ZNF676: variants seen among roughly 807,000 people sequenced by gnomAD.
ZNF676 encodes the protein zinc finger protein 676.
A neutral mutation model predicts 6.0 loss-of-function variants in ZNF676; 4 were observed. The ratio of observed to expected loss-of-function variants is 0.67; its 90% confidence interval spans 0.33 to 1.53. The LOEUF (loss-of-function observed/expected upper bound fraction) is 1.53. Among genes scored for constraint, ZNF676 ranks in the 40% most tolerant of loss-of-function variants. The pLI, the probability that ZNF676 is intolerant of heterozygous loss-of-function variation, is 0.06. For missense variants in ZNF676, 644 were observed against 679.7 expected (o/e 0.95, Z 0.58); for synonymous variants, 198 against 223.1 (o/e 0.89, Z 1.00).
chr19:22,253,265 C>T, the ZNF676 span, among the ~76,000 whole-genome samples: 1 of 151,236 alleles, frequency 6.6e-6, no homozygotes, highest in South Asian at 2.1e-4. Context: ...CAGCTGGGTA[C>T]ATATATGAGT....
At chr19:22,217,925 A>T (rs2024210405), upstream of ZNF676, among the ~76,000 whole-genome samples, 2 of 151,474 alleles carry the variant, frequency 1.3e-5, no homozygotes, top group South Asian at 4.2e-4. Context: ...GCTAGTCTGG[A>T]ACTCCTGACC....
the ZNF676 span, among the ~76,000 whole-genome samples, chr19:22,231,880 G>A: frequency 3.9e-5 from 6 of 152,112 alleles, no homozygotes; most frequent in African/African-American, 1.4e-4. Context: ...GATTACAAGC[G>A]TGAGCCACCG....
chr19:22,216,658 G>T (rs180741934), upstream of ZNF676, among the ~76,000 whole-genome samples: 2 of 148,670 alleles, frequency 1.3e-5, no homozygotes, highest in African/African-American at 2.5e-5. Context: ...TTTTTGAGAC[G>T]AGTCTTGCCA....
the ZNF676 span, among the ~76,000 whole-genome samples, chr19:22,232,827 G>T: frequency 6.6e-6 from 1 of 152,012 alleles, no homozygotes; most frequent in East Asian, 1.9e-4. Flanking sequence ...CCTGTTCAAA[G>T]GTTGAGATAA....
the ZNF676 span, among the ~76,000 whole-genome samples, chr19:22,230,177 G>A: frequency 6.6e-6 from 1 of 152,150 alleles, no homozygotes; most frequent in Admixed American, 6.5e-5. Context: ...CATAAACAAG[G>A]ATGAGTTCAT....
At chr19:22,248,565 G>A in the ZNF676 span, among the ~76,000 whole-genome samples, 2 of 152,134 alleles carry the variant, frequency 1.3e-5, no homozygotes, top group Admixed American at 6.5e-5. Flanking sequence ...AGAAGTCACC[G>A]CCTGAATTTC....
intron 2 of ZNF676, among the ~76,000 whole-genome samples, chr19:22,190,200 A>G (rs1478764190): frequency 2.0e-5 from 3 of 152,130 alleles, no homozygotes; most frequent in African/African-American, 7.2e-5. Context: ...CATAAAAAAA[A>G]TGAATTCACA....
At position 22,215,745 on chromosome 19, in the gene ZNF676, C is replaced by T. The variant is rs184712704; in HGVS notation, c.-111G>A. On this transcript the variant is annotated 5_prime_UTR_variant, in exon 1 of 4. Transcript: ENST00000650058. Reference sequence around the variant, plus strand: ...GGAACAGTAAGGACAAGGCCTTTACCTCCGGCTGCAGCGAGAGACAAAGGA... The same window carrying T: ...GGAACAGTAAGGACAAGGCCTTTACTTCCGGCTGCAGCGAGAGACAAAGGA... 190 of 1,385,936 alleles carry T rather than the reference C, an allele frequency of 1.4e-4. 4 individuals carry two copies. The East Asian group carries it at 4.3e-3, about 31-fold the overall frequency. 85.9% of individuals were successfully genotyped at this position (1,385,936 alleles called of 1,614,324 possible).
chr19:22,240,048 CACTGCAG>C, the ZNF676 span, among the ~76,000 whole-genome samples: 1 of 152,200 alleles, frequency 6.6e-6, no homozygotes, highest in African/African-American at 2.4e-5. Context: ...ATGTCATAAT[CACTGCAG>C]TGGGCAGGGC....
chr19:22,257,794 GGA>G, the ZNF676 span, among the ~76,000 whole-genome samples: 2 of 152,192 alleles, frequency 1.3e-5, no homozygotes, highest in African/African-American at 4.8e-5. Flanking sequence ...GGCTCAGGCA[GGA>G]GAGTCACATC....
chr19:22,227,785 A>T, the ZNF676 span, among the ~76,000 whole-genome samples: 4 of 152,248 alleles, frequency 2.6e-5, no homozygotes, highest in Non-Finnish European at 5.9e-5. Flanking sequence ...TCCTGGACAC[A>T]TACCCTCTGA....
upstream of ZNF676, among the ~76,000 whole-genome samples, chr19:22,197,291 T>C (rs548729196): frequency 5.5e-4 from 83 of 150,914 alleles, no homozygotes; most frequent in South Asian, 4.2e-3. Flanking sequence ...GCACTCTAGC[T>C]TGGGCAACAA....
At chr19:22,250,372 C>A in the ZNF676 span, among the ~76,000 whole-genome samples, 1 of 151,970 alleles carries the variant, frequency 6.6e-6, no homozygotes, top group Non-Finnish European at 1.5e-5. Flanking sequence ...AAGTCTTTAT[C>A]AAAAAGGAAA....
chr19:22,241,176 C>T, the ZNF676 span, among the ~76,000 whole-genome samples: 9 of 152,024 alleles, frequency 5.9e-5, no homozygotes, highest in South Asian at 2.1e-4. Flanking sequence ...GAAGTCAAAG[C>T]GCTCAGATTC....
At position 22,210,580 on chromosome 19, in the gene ZNF676, C is replaced by T. The variant is rs1307212807; in HGVS notation, c.3+5052G>A. Among the ~76,000 whole-genome samples the T allele has an allele frequency of 4.6e-5, 7 of 152,224 alleles. No individual in the cohort carries two copies. In the South Asian group the frequency reaches 1.5e-3, roughly 32 times the overall value. ...AAAGATGAAGCATATAGATAACAAA[C>T]AGCTAGGATTAATAAAATTCTCTAT... On this transcript the variant is annotated intron_variant, in intron 1 of 3. Transcript: ENST00000650058.
intron 2 of ZNF676, among the ~76,000 whole-genome samples, chr19:22,191,941 C>T (rs1317584352): frequency 1.3e-5 from 2 of 152,170 alleles, no homozygotes; most frequent in African/African-American, 4.8e-5. Flanking sequence ...GTGCCACTGA[C>T]AATGCTTCTA....
the ZNF676 span, among the ~76,000 whole-genome samples, chr19:22,248,269 G>A: frequency 6.6e-6 from 1 of 152,160 alleles, no homozygotes; most frequent in Non-Finnish European, 1.5e-5. Flanking sequence ...ACCCAGTAAT[G>A]GGATGGCTGG....
chr19:22,183,759 T>G (rs2023793888), intron 2 of ZNF676, among the ~76,000 whole-genome samples: 1 of 152,228 alleles, frequency 6.6e-6, no homozygotes, highest in East Asian at 1.9e-4. Flanking sequence ...CAAATATTAG[T>G]CAAGTGAGAG....
chr19:22,260,188 C>T, the ZNF676 span, among the ~76,000 whole-genome samples: 2,254 of 152,214 alleles, frequency 0.015, 48 homozygotes, highest in African/African-American at 0.051. Context: ...GTCAGCTGAG[C>T]CCAACCCCTG....
Sources: gnomAD v4.1 joint callset for allele counts (sites outside exome capture counted in the v4.1 genomes callset) on GRCh38, gnomAD v4.1.1 for gene constraint, MANE v1.5 for transcripts, NCBI Gene and HGNC (gene_info 2026-07-23, HGNC 2026-07-21) for gene names.